Variants in CPPED1 observed in about 807,000 individuals in gnomAD.
The protein encoded by CPPED1 is calcineurin like phosphoesterase domain containing 1.
Under a neutral mutation model 28.0 loss-of-function variants are expected in CPPED1, and 28 were observed. That is an observed-to-expected ratio of 1.00 (90% confidence interval 0.74 to 1.37). CPPED1 has a LOEUF of 1.37. Ranked by LOEUF, CPPED1 falls within the 40% of genes most tolerant of loss-of-function variation. The pLI, the probability that CPPED1 is intolerant of heterozygous loss-of-function variation, is 0.00. For synonymous variants in CPPED1, 198 were observed against 180.2 expected (o/e 1.10, Z -0.79); for missense variants, 504 against 416.5 (o/e 1.21, Z -1.83).
intron 2 of CPPED1, among the ~76,000 whole-genome samples, chr16:12,776,603 T>C (rs2080499213): frequency 6.6e-6 from 1 of 152,186 alleles, no homozygotes; most frequent in Non-Finnish European, 1.5e-5. Flanking sequence ...CAAGTTCTCT[T>C]CTCTCTTGTC....
intron 3 of CPPED1, among the ~76,000 whole-genome samples, chr16:12,688,918 C>T (rs942302531): frequency 6.6e-6 from 1 of 152,182 alleles, no homozygotes; most frequent in Non-Finnish European, 1.5e-5. Flanking sequence ...CACATGTGGC[C>T]TTACTTACCA....
intron 2 of CPPED1, among the ~76,000 whole-genome samples, chr16:12,728,499 G>A (rs959918886): frequency 6.6e-6 from 1 of 151,406 alleles, no homozygotes; most frequent in African/African-American, 2.4e-5. Context: ...TACAATTTGG[G>A]TGTGACCAAG....
chr16:12,803,646 T>G, intron 1 of CPPED1, 61 bp downstream of exon 1: 1 of 1,345,182 alleles, frequency 7.4e-7, no homozygotes, highest in Non-Finnish European at 9.8e-7. Flanking sequence ...AACAAAAGGT[T>G]CCCCCGGCGG....
intron 1 of CPPED1, among the ~76,000 whole-genome samples, chr16:12,783,129 T>G (rs2080542270): frequency 6.6e-6 from 1 of 152,070 alleles, no homozygotes; most frequent in Non-Finnish European, 1.5e-5. Context: ...TTGGGGGAGA[T>G]GAGCAAGTAA....
chr16:12,683,526 C>T (rs2079916811), intron 3 of CPPED1, among the ~76,000 whole-genome samples: 1 of 152,192 alleles, frequency 6.6e-6, no homozygotes, highest in Non-Finnish European at 1.5e-5. Flanking sequence ...TCTGGACATC[C>T]TTGCAAGCTC....
intron 1 of CPPED1, among the ~76,000 whole-genome samples, chr16:12,794,392 TGTAGG>T (rs2080614375): frequency 6.6e-6 from 1 of 151,868 alleles, no homozygotes; most frequent in Admixed American, 6.6e-5. Context: ...CATGGTGAAC[TGTAGG>T]GTATGCTAAC....
chr16:12,696,551 C>T lies in CPPED1; in HGVS notation c.715+8073G>A, dbSNP rs182407699. 2.6e-3 allele frequency among the ~76,000 whole-genome samples: 387 copies of T among 150,638 alleles called. 3 individuals are homozygous for T. Among genetic ancestry groups the T allele is most frequent in the African/African-American group, 8.4e-3 (343 of 40,904 alleles). On this transcript the variant is annotated intron_variant, in intron 3 of 3. Transcript: ENST00000381774. ...CGCCTTCCCAGGTTCAAGTGATTCT[C>T]GTGCCTCAGCCTCCTGAGTAGCTGG...
intron 2 of CPPED1, among the ~76,000 whole-genome samples, chr16:12,766,546 G>T (rs1332118326): frequency 6.6e-6 from 1 of 151,994 alleles, no homozygotes; most frequent in Non-Finnish European, 1.5e-5. Flanking sequence ...CTCCCACTGG[G>T]TCCCTCCCAC....
chr16:12,693,071 G>A (rs2079971661), intron 3 of CPPED1, among the ~76,000 whole-genome samples: 1 of 152,184 alleles, frequency 6.6e-6, no homozygotes, highest in Non-Finnish European at 1.5e-5. Context: ...AGATTCAAGA[G>A]TTAGAGGGCC....
At chr16:12,728,445 C>T (rs780936574) in intron 2 of CPPED1, among the ~76,000 whole-genome samples, 2 of 151,974 alleles carry the variant, frequency 1.3e-5, no homozygotes, top group Non-Finnish European at 2.9e-5. Context: ...TTACAGGTTG[C>T]TTATAATCTT....
chr16:12,724,375 G>A (rs1157226371), intron 2 of CPPED1, among the ~76,000 whole-genome samples: 1 of 152,064 alleles, frequency 6.6e-6, no homozygotes, highest in Non-Finnish European at 1.5e-5. Flanking sequence ...CTTCTCCCGG[G>A]GCTACAGCTC....
At position 12,801,710 on chromosome 16, in the gene CPPED1, T is replaced by C. The variant is rs139112426; in HGVS notation, c.70+1997A>G. 7.8e-4 allele frequency among the ~76,000 whole-genome samples: 118 copies of C among 152,152 alleles called. 1 individual carries two copies. Among genetic ancestry groups the C allele is most frequent in the Non-Finnish European group, 1.5e-4 (10 of 67,984 alleles). On this transcript the variant is annotated intron_variant, in intron 1 of 3. Transcript: ENST00000381774. The stretch of plus-strand genomic sequence containing the variant: ...AAAACCAGAAACAACTAAATGGCCA[T>C]TGTATTAGTCAGGATCCTTGCAGGA...
At chr16:12,750,097 T>C (rs1020583436) in intron 2 of CPPED1, among the ~76,000 whole-genome samples, 23 of 152,250 alleles carry the variant, frequency 1.5e-4, no homozygotes, top group African/African-American at 5.3e-4. Context: ...CTTAAGGGAA[T>C]GTTGTGGCTG....
At chr16:12,742,934 C>T (rs942369482) in intron 2 of CPPED1, among the ~76,000 whole-genome samples, 1 of 152,178 alleles carries the variant, frequency 6.6e-6, no homozygotes, top group African/African-American at 2.4e-5. Context: ...CCAGTGCAGT[C>T]ACACAGGATG....
At chr16:12,720,597 C>T (rs1567285931) in intron 2 of CPPED1, among the ~76,000 whole-genome samples, 1 of 152,216 alleles carries the variant, frequency 6.6e-6, no homozygotes, top group African/African-American at 2.4e-5. Flanking sequence ...AAGCGATTCT[C>T]CTGACTCAGC....
At chr16:12,798,870 G>A (rs1234224626) in intron 1 of CPPED1, among the ~76,000 whole-genome samples, 4 of 152,182 alleles carry the variant, frequency 2.6e-5, no homozygotes, top group African/African-American at 9.7e-5. Flanking sequence ...ATGAATATCT[G>A]AACATGCCTT....
chr16:12,756,756 A>G (rs1460043523), intron 2 of CPPED1, among the ~76,000 whole-genome samples: 1 of 152,214 alleles, frequency 6.6e-6, no homozygotes, highest in Non-Finnish European at 1.5e-5. Flanking sequence ...GACACATGCC[A>G]GGAAAGCCAG....
chr16:12,673,643 C>T lies in CPPED1; in HGVS notation c.716-8528G>A, dbSNP rs556445004. Among the ~76,000 whole-genome samples, 434 of 152,298 alleles carry T rather than the reference C, an allele frequency of 2.8e-3. 3 individuals are homozygous for T. Among genetic ancestry groups the T allele is most frequent in the Non-Finnish European group, 3.2e-3 (219 of 68,012 alleles). ...TGTTCCTCTCTGTAATATGCATGTC[C>T]TCTCCATCTGCCCCTCAGGGCTCAC... is the stretch of plus-strand genomic sequence containing the variant. On this transcript the variant is annotated intron_variant, in intron 3 of 3. Transcript: ENST00000381774.
At chr16:12,790,931 A>T (rs904274924) in intron 1 of CPPED1, among the ~76,000 whole-genome samples, 10 of 151,644 alleles carry the variant, frequency 6.6e-5, no homozygotes, top group African/African-American at 2.4e-4. Flanking sequence ...AAAAAAAAAA[A>T]AAAAAAAAAG....
Sources: gnomAD v4.1 joint callset for allele counts (sites outside exome capture counted in the v4.1 genomes callset) on GRCh38, gnomAD v4.1.1 for gene constraint, MANE v1.5 for transcripts, NCBI Gene and HGNC (gene_info 2026-07-23, HGNC 2026-07-21) for gene names.